Variants in RABGEF1 observed in about 807,000 individuals in gnomAD.
The protein encoded by RABGEF1 is RAB guanine nucleotide exchange factor 1, also known as rab5 GDP/GTP exchange factor.
A neutral mutation model predicts 57.3 loss-of-function variants in RABGEF1; 26 were observed. The observed-to-expected ratio is 0.45, with a 90% CI of 0.33 to 0.63. The LOEUF (loss-of-function observed/expected upper bound fraction) is 0.63. Among genes scored for constraint, RABGEF1 ranks in the 20% least tolerant of loss-of-function variants. The pLI, the probability that RABGEF1 is intolerant of heterozygous loss-of-function variation, is 0.02. For synonymous variants in RABGEF1, 185 were observed against 210.7 expected (o/e 0.88, Z 1.06); for missense variants, 464 against 607.6 (o/e 0.76, Z 2.48).
At chr7:66,654,871 C>T in the RABGEF1 span, among the ~76,000 whole-genome samples, 2 of 152,378 alleles carry the variant, frequency 1.3e-5, no homozygotes, top group East Asian at 1.9e-4. Context: ...CTCCGTCTAA[C>T]GTGCTCGTTG....
chr7:66,690,570 C>G (rs1035523904), intron 1 of RABGEF1, among the ~76,000 whole-genome samples: 1 of 150,384 alleles, frequency 6.6e-6, no homozygotes, highest in African/African-American at 2.4e-5. Context: ...CAAAAATTAG[C>G]TGGGTGTGGT....
chr7:66,700,541 A>G (rs1466903363), intron 1 of RABGEF1, among the ~76,000 whole-genome samples: 8 of 151,814 alleles, frequency 5.3e-5, no homozygotes, highest in African/African-American at 1.9e-4. Flanking sequence ...ACTTAGTAAG[A>G]GGGTACAGCT....
chr7:66,731,443 A>C (rs948251457), intron 2 of RABGEF1, among the ~76,000 whole-genome samples: 2 of 152,158 alleles, frequency 1.3e-5, no homozygotes, highest in Non-Finnish European at 2.9e-5. Context: ...GAGGCTGTGC[A>C]TGATGGCTCA....
the RABGEF1 span, among the ~76,000 whole-genome samples, chr7:66,670,433 ATTTTTT>A: frequency 1.2e-3 from 139 of 116,052 alleles, no homozygotes; most frequent in African/African-American, 4.1e-3. Context: ...GAATGAGATG[ATTTTTT>A]TTTTTTTTTT....
At chr7:66,723,029 C>T (rs745867859) in intron 2 of RABGEF1, among the ~76,000 whole-genome samples, 2 of 151,934 alleles carry the variant, frequency 1.3e-5, no homozygotes, top group African/African-American at 2.4e-5. Context: ...CGTGCAATGG[C>T]GTGATCTTGG....
intron 1 of RABGEF1, among the ~76,000 whole-genome samples, chr7:66,763,472 ACT>A (rs1354079452): frequency 6.6e-6 from 1 of 151,976 alleles, no homozygotes; most frequent in Non-Finnish European, 1.5e-5. Context: ...TAGTGCTTTG[ACT>A]CTCTCTAACT....
rs141948503 is a variant in RABGEF1, at chr7:66,785,854, A to G, written c.513+2013A>G. ...GCACCACTGCACTCCAGCCTGGATG[A>G]CAGAGCGAGACTCCATCTGGGGGGG... On this transcript the variant is annotated intron_variant, in intron 4 of 8. Coordinates refer to ENST00000284957, the MANE Select transcript of RABGEF1 (RefSeq NM_014504.3). 9.7e-3 allele frequency among the ~76,000 whole-genome samples: 1,469 copies of G among 151,294 alleles called. 10 individuals carry two copies. The highest frequency in any genetic ancestry group is 0.017 in the Non-Finnish European group (1,151 of 67,838).
intron 1 of RABGEF1, among the ~76,000 whole-genome samples, chr7:66,690,657 G>A (rs1406199266): frequency 6.6e-6 from 1 of 151,636 alleles, no homozygotes; most frequent in Non-Finnish European, 1.5e-5. Flanking sequence ...AGTGGGCCAT[G>A]ATTGCATCTC....
the RABGEF1 span, among the ~76,000 whole-genome samples, chr7:66,655,870 C>T: frequency 2.0e-5 from 3 of 152,188 alleles, no homozygotes; most frequent in African/African-American, 7.2e-5. Context: ...TTTCTACTCT[C>T]TAGAAGTTAG....
At chr7:66,671,550 A>C in the RABGEF1 span, among the ~76,000 whole-genome samples, 2 of 152,194 alleles carry the variant, frequency 1.3e-5, no homozygotes, top group Non-Finnish European at 2.9e-5. Flanking sequence ...AAAAAGATGA[A>C]AGACTGATAT....
intron 1 of RABGEF1, among the ~76,000 whole-genome samples, chr7:66,755,615 A>G (rs1183640424): frequency 1.3e-5 from 2 of 152,232 alleles, no homozygotes; most frequent in African/African-American, 4.8e-5. Flanking sequence ...TAAATTGACC[A>G]TTTGTGCTGC....
intron 1 of RABGEF1, among the ~76,000 whole-genome samples, chr7:66,754,176 G>A (rs1333455648): frequency 6.6e-6 from 1 of 151,090 alleles, no homozygotes. Context: ...TAATTTTTTT[G>A]TATTTTTAGT....
chr7:66,783,756 T>C lies in RABGEF1; in HGVS notation c.428T>C (p.Ile143Thr). 1.2e-6 allele frequency: 2 copies of C among 1,613,774 alleles called. No homozygotes were observed. The highest frequency in any genetic ancestry group is 1.1e-5 in the South Asian group (1 of 91,070). ...ACGGATAGAGTGTCTAAGGAGTTCA[T>C]AGAATTTCTCAAGACCTTCCACAAG... ...IETDRVSKEF[I>T]EFLKTFHKTG... Residue 143 changes from isoleucine (I) to threonine (T), a missense_variant, in exon 4 of 9, where the codon ATA becomes ACA. By Grantham distance (89) the Ile-to-Thr change is moderately conservative (BLOSUM62 -1). Transcript: ENST00000284957.
the RABGEF1 span, chr7:66,665,152 G>GT: frequency 4.9e-4 from 73 of 147,864 alleles, no homozygotes; most frequent in South Asian, 1.7e-3. Context: ...CAGAATTCTT[G>GT]TTTTTTTTTT....
At chr7:66,793,433 T>TG (rs1813196409) in intron 4 of RABGEF1, among the ~76,000 whole-genome samples, 1 of 152,226 alleles carries the variant, frequency 6.6e-6, no homozygotes, top group South Asian at 2.1e-4. Context: ...TTCCCACTTG[T>TG]GGTGTCATGT....
chr7:66,711,776 C>T (rs1398423984), intron 1 of RABGEF1, among the ~76,000 whole-genome samples: 2 of 151,936 alleles, frequency 1.3e-5, no homozygotes, highest in African/African-American at 4.8e-5. Context: ...TTAGTAGAGA[C>T]GGAGTTTCAC....
chr7:66,762,160 A>G lies in RABGEF1; in HGVS notation c.-17-9723A>G, dbSNP rs112264059. On this transcript the variant is annotated intron_variant, in intron 1 of 8. Coordinates refer to ENST00000284957, the MANE Select transcript of RABGEF1 (RefSeq NM_014504.3). Reference sequence around the variant, plus strand: ...GAAAACCAATATATATTATAACACCACACTGGTACTATTTGAGTCACTAGA... The same window carrying G: ...GAAAACCAATATATATTATAACACCGCACTGGTACTATTTGAGTCACTAGA... Among the ~76,000 whole-genome samples the G allele has an allele frequency of 2.8e-3, 430 of 152,342 alleles. 1 individual carries two copies. The highest frequency in any genetic ancestry group is 1.0e-2 in the African/African-American group (414 of 41,576).
At chr7:66,744,673 A>G (rs1486389788) in intron 1 of RABGEF1, among the ~76,000 whole-genome samples, 3 of 151,332 alleles carry the variant, frequency 2.0e-5, no homozygotes, top group Non-Finnish European at 4.4e-5. Flanking sequence ...GTCTCAAAAA[A>G]AAAAAAAAAA....
intron 1 of RABGEF1, among the ~76,000 whole-genome samples, chr7:66,746,881 C>T (rs1664701656): frequency 6.6e-6 from 1 of 152,090 alleles, no homozygotes; most frequent in Non-Finnish European, 1.5e-5. Context: ...CAACCTCTGC[C>T]TCCTGGGTTC....
Sources: gnomAD v4.1 joint callset for allele counts (sites outside exome capture counted in the v4.1 genomes callset) on GRCh38, gnomAD v4.1.1 for gene constraint, MANE v1.5 for transcripts, NCBI Gene and HGNC (gene_info 2026-07-23, HGNC 2026-07-21) for gene names.